CAMK2D: variants seen among roughly 807,000 people sequenced by gnomAD.
The protein encoded by CAMK2D is calcium/calmodulin dependent protein kinase II delta.
Under a neutral mutation model 84.0 loss-of-function variants are expected in CAMK2D, and 37 were observed. The observed-to-expected ratio is 0.44, with a 90% CI of 0.34 to 0.58. The LOEUF is 0.58. CAMK2D is among the 20% of genes least tolerant of loss of function. The probability of loss-of-function intolerance (pLI) is 0.02; values close to 1 mark genes in which losing one functional copy is unlikely to be tolerated. For synonymous variants in CAMK2D, 202 were observed against 212.5 expected, an observed-to-expected ratio of 0.95 and a Z score of 0.43; for missense variants, 448 against 652.5, an observed-to-expected ratio of 0.69 and a Z score of 3.41.
intron 12 of CAMK2D, among the ~76,000 whole-genome samples, chr4:113,512,239 T>C (rs765926349): frequency 2.5e-4 from 38 of 152,214 alleles, no homozygotes; most frequent in Non-Finnish European, 5.1e-4. Context: ...TTTGGGAACC[T>C]GGTCCTTTGA....
rs1194481104 is a variant in CAMK2D, at chr4:113,578,563, C to A, written c.276-26467G>T. Among the ~76,000 whole-genome samples, 2 of 152,096 alleles carry A rather than the reference C, an allele frequency of 1.3e-5. 1 individual carries two copies. Among genetic ancestry groups the A allele is most frequent in the Middle Eastern group, 6.3e-3 (2 of 316 alleles). On this transcript the variant is annotated intron_variant, in intron 4 of 20. Coordinates refer to ENST00000511664, the MANE Select transcript of CAMK2D (RefSeq NM_001321571.2). ...AATGAAAATGTTTCAGCTAGTTTTG[C>A]TCGTTTGGTAGGTATGGGGGAAAGT...
At position 113,613,834 on chromosome 4, in the gene CAMK2D, C is replaced by T. The variant is rs974700747; in HGVS notation, c.221-4628G>A. On this transcript the variant is annotated intron_variant, in intron 3 of 20. Transcript: ENST00000511664. ...CATTTCCAAAAATTAACTTTCACATCATGGACATTATGATAACATGGACAA... is the reference window on the plus strand; with the variant it reads ...CATTTCCAAAAATTAACTTTCACATTATGGACATTATGATAACATGGACAA... Among the ~76,000 whole-genome samples, 10 of 151,930 alleles carry T rather than the reference C, an allele frequency of 6.6e-5. No individual in the cohort carries two copies. In the East Asian group the frequency reaches 9.7e-4, roughly 15 times the overall value.
intron 2 of CAMK2D, among the ~76,000 whole-genome samples, chr4:113,676,162 T>C (rs2099317504): frequency 6.6e-6 from 1 of 152,220 alleles, no homozygotes; most frequent in African/African-American, 2.4e-5. Context: ...TCCAGTCTTC[T>C]ACTTCACTGA....
At chr4:113,735,487 A>G (rs1001479477) in intron 2 of CAMK2D, among the ~76,000 whole-genome samples, 5 of 151,998 alleles carry the variant, frequency 3.3e-5, no homozygotes, top group Admixed American at 2.0e-4. Context: ...AACAAACAAC[A>G]ACAAAACACA....
chr4:113,538,097 C>T (rs2098505729), intron 6 of CAMK2D, among the ~76,000 whole-genome samples: 1 of 151,726 alleles, frequency 6.6e-6, no homozygotes, highest in Non-Finnish European at 1.5e-5. Flanking sequence ...TCTTTATAAG[C>T]CAGCTTTTAA....
intron 2 of CAMK2D, among the ~76,000 whole-genome samples, chr4:113,750,547 G>T (rs190684305): frequency 1.7e-4 from 26 of 152,266 alleles, no homozygotes; most frequent in Admixed American, 3.9e-4. Context: ...CACACTCATA[G>T]GCCAGGAAAT....
At chr4:113,639,927 A>C (rs1343851903) in intron 3 of CAMK2D, among the ~76,000 whole-genome samples, 4 of 152,154 alleles carry the variant, frequency 2.6e-5, no homozygotes. Context: ...TTCATAGCAA[A>C]GGGAAGAATT....
Position 113,761,077 on chromosome 4 carries a change from C to G in CAMK2D, c.-9G>C, listed in dbSNP as rs775198013. On this transcript the variant is annotated 5_prime_UTR_variant, in exon 1 of 21. Coordinates refer to ENST00000511664, the MANE Select transcript of CAMK2D (RefSeq NM_001321571.2). ...GTTGTGGTCGAAGCCATCCTCGGTC[C>G]GGGCTGTGCCCTGGCTGGGAGCGCG... 49 of 1,613,960 alleles carry G rather than the reference C, an allele frequency of 3.0e-5. No individual in the cohort carries two copies. The highest frequency in any genetic ancestry group is 4.0e-5 in the Non-Finnish European group (47 of 1,180,026).
At chr4:113,637,349 T>C (rs916511537) in intron 3 of CAMK2D, among the ~76,000 whole-genome samples, 1 of 152,238 alleles carries the variant, frequency 6.6e-6, no homozygotes, top group Non-Finnish European at 1.5e-5. Context: ...ATTCTCAAAA[T>C]AGTTCTATAT....
chr4:113,633,628 A>T (rs757799537), intron 3 of CAMK2D, among the ~76,000 whole-genome samples: 6 of 152,206 alleles, frequency 3.9e-5, no homozygotes, highest in Non-Finnish European at 8.8e-5. Context: ...CCAATAGGAT[A>T]AATAAAATAA....
At chr4:113,728,977 A>G (rs967823783) in intron 2 of CAMK2D, among the ~76,000 whole-genome samples, 1 of 152,206 alleles carries the variant, frequency 6.6e-6, no homozygotes, top group African/African-American at 2.4e-5. Context: ...TTCTTGCCAC[A>G]GTAGTTTACA....
intron 3 of CAMK2D, among the ~76,000 whole-genome samples, chr4:113,644,808 G>T (rs879930839): frequency 1.3e-5 from 2 of 152,028 alleles, no homozygotes; most frequent in African/African-American, 2.4e-5. Flanking sequence ...AAGTGGCCGG[G>T]AGACACAAAT....
intron 2 of CAMK2D, among the ~76,000 whole-genome samples, chr4:113,728,632 T>A (rs938291429): frequency 6.6e-6 from 1 of 152,204 alleles, no homozygotes; most frequent in Non-Finnish European, 1.5e-5. Context: ...ATAAAAGGTA[T>A]TTTAGATTTT....
intron 3 of CAMK2D, among the ~76,000 whole-genome samples, chr4:113,651,296 G>A (rs2888718): frequency 0.069 from 10,464 of 152,158 alleles, 568 homozygotes; most frequent in East Asian, 0.22. Context: ...ATATGATTTT[G>A]TTAAACTGAT....
chr4:113,588,089 C>A (rs17531645), intron 4 of CAMK2D, among the ~76,000 whole-genome samples: 34,914 of 151,946 alleles, frequency 0.23, 4,602 homozygotes, highest in Middle Eastern at 0.32. Context: ...TTTCCAGAGA[C>A]TCCATTGAAG....
intron 2 of CAMK2D, among the ~76,000 whole-genome samples, chr4:113,681,814 A>G (rs924351317): frequency 1.4e-4 from 22 of 152,194 alleles, no homozygotes; most frequent in Non-Finnish European, 2.9e-4. Flanking sequence ...CTGAAATATG[A>G]ATATCTTATT....
chr4:113,589,232 A>G (rs2098847739), intron 4 of CAMK2D, among the ~76,000 whole-genome samples: 1 of 152,132 alleles, frequency 6.6e-6, no homozygotes, highest in South Asian at 2.1e-4. Context: ...TACTGTGTTG[A>G]GAGAAGACTA....
chr4:113,647,994 G>C (rs1561581902), intron 3 of CAMK2D, among the ~76,000 whole-genome samples: 2 of 152,130 alleles, frequency 1.3e-5, no homozygotes, highest in Admixed American at 6.5e-5. Flanking sequence ...GAAATTATTT[G>C]GGAGAAGGAG....
chr4:113,470,645 G>GAAAA (rs58054814), intron 16 of CAMK2D, among the ~76,000 whole-genome samples: 12 of 139,502 alleles, frequency 8.6e-5, no homozygotes, highest in Admixed American at 2.8e-4. Context: ...TCAAAAAAAA[G>GAAAA]AAAAAAAAAA....
Sources: allele counts gnomAD v4.1 joint callset (sites outside exome capture counted in the v4.1 genomes callset), GRCh38; gene constraint gnomAD v4.1.1; transcripts MANE v1.5; gene names NCBI Gene and HGNC (gene_info 2026-07-23, HGNC 2026-07-21).